Variants in DAB2IP observed in about 807,000 individuals in gnomAD.
DAB2IP encodes the protein DAB2 interacting protein.
In DAB2IP, 28 loss-of-function variants were observed where a neutral mutation model predicts 107.2. The observed-to-expected ratio is 0.26, with a 90% CI of 0.19 to 0.36. The LOEUF (loss-of-function observed/expected upper bound fraction) is 0.36. Among genes scored for constraint, DAB2IP ranks in the 10% least tolerant of loss-of-function variants. The pLI is 1.00. For missense variants in DAB2IP, 1,400 were observed against 1,644.7 expected (o/e 0.85, Z 2.57); for synonymous variants, 755 against 706.4 (o/e 1.07, Z -1.09).
rs1828564529 is a variant in DAB2IP at position 121,680,953 on chromosome 9, G to T, written c.228+2172G>T. 2.6e-5 allele frequency among the ~76,000 whole-genome samples: 4 copies of T among 152,098 alleles called. 1 individual carries two copies. The South Asian group carries it at 8.3e-4, about 32-fold the overall frequency. Reference sequence around the variant, plus strand: ...AGACGGGGTTTCACCATGTTGGCCAGGCTAGTCTTGAACTCCTGACCTCAG... The same window carrying T: ...AGACGGGGTTTCACCATGTTGGCCATGCTAGTCTTGAACTCCTGACCTCAG... On this transcript the variant is annotated intron_variant, in intron 2 of 15. Transcript: ENST00000408936.
chr9:121,567,597 T>C (rs776413658), intron 1 of DAB2IP, among the ~76,000 whole-genome samples: 6 of 152,264 alleles, frequency 3.9e-5, no homozygotes, highest in Non-Finnish European at 7.4e-5. Context: ...ATTCAATTAG[T>C]GCGATCCTGC....
chr9:121,613,691 C>T (rs908873487), intron 1 of DAB2IP, among the ~76,000 whole-genome samples: 1 of 152,126 alleles, frequency 6.6e-6, no homozygotes, highest in African/African-American at 2.4e-5. Context: ...GGCAACTTCT[C>T]GCAAACTCGC....
In DAB2IP at chr9:121,763,452, C is replaced by T. The variant is rs1834041054; in HGVS notation, c.1171-53C>T. ...CTGGCTAGGTCTGGAATCCTAGGGCCCTCCATGCCAGGCCAGCTCAGGTCC... is the reference window on the plus strand; with the variant it reads ...CTGGCTAGGTCTGGAATCCTAGGGCTCTCCATGCCAGGCCAGCTCAGGTCC... On this transcript the variant is annotated intron_variant, in intron 6 of 15. Transcript: ENST00000408936. The T allele has an allele frequency of 5.1e-6, 8 of 1,559,520 alleles. No homozygotes were observed. The South Asian group carries it at 8.6e-5, about 17-fold the overall frequency.
At chr9:121,648,856 A>G (rs1209451829), upstream of DAB2IP, among the ~76,000 whole-genome samples, 6 of 152,142 alleles carry the variant, frequency 3.9e-5, no homozygotes, top group Non-Finnish European at 8.8e-5. Flanking sequence ...GGTCTGTCAC[A>G]GGAAGCAGTG....
Position 121,772,822 on chromosome 9 carries a change from CGGGCCCCG to C in DAB2IP, c.2295_2302del (p.Gly766ArgfsTer84). 6.2e-7 allele frequency: 1 copy of C among 1,604,624 alleles called. No individual in the cohort carries two copies. The highest frequency in any genetic ancestry group is 1.1e-5 in the South Asian group (1 of 90,534). Reference sequence around the variant, plus strand: ...CTGGATGGGGAGGCAGGCTCCCCGGCGGGCCCCGACGTCCTCCCCACAGATGGGCAGGC... The same window carrying C: ...CTGGATGGGGAGGCAGGCTCCCCGGCACGTCCTCCCCACAGATGGGCAGGC... On this transcript the variant is annotated frameshift_variant, in exon 12 of 16. Coordinates refer to ENST00000408936, the Ensembl canonical transcript of DAB2IP. LOFTEE classifies it high-confidence loss of function. This position sits in a 1 kb window ranked among gnomAD's most constrained non-coding sequence, Gnocchi z 4.7.
chr9:121,646,755 C>G (rs1025611667), upstream of DAB2IP, among the ~76,000 whole-genome samples: 4 of 152,190 alleles, frequency 2.6e-5, no homozygotes, highest in Admixed American at 1.3e-4. Context: ...TGTCCCTTGA[C>G]AAAGCTGGCT....
chr9:121,673,285 G>A (rs1160426872), intron 1 of DAB2IP, among the ~76,000 whole-genome samples: 1 of 152,150 alleles, frequency 6.6e-6, no homozygotes, highest in Non-Finnish European at 1.5e-5. Context: ...TGGGTTTGGG[G>A]GCAGTTTAAG....
intron 8 of DAB2IP, among the ~76,000 whole-genome samples, chr9:121,765,701 TG>T (rs1226595138): frequency 7.2e-5 from 11 of 152,188 alleles, no homozygotes; most frequent in Non-Finnish European, 1.5e-4. Context: ...GGGCCTGGCC[TG>T]CCCCAGGCTG....
At chr9:121,766,135 C>T (rs1246348011) in intron 8 of DAB2IP, among the ~76,000 whole-genome samples, 1 of 152,202 alleles carries the variant, frequency 6.6e-6, no homozygotes, top group Non-Finnish European at 1.5e-5. Flanking sequence ...GTGGGGAGGG[C>T]CCAGACCAGA....
At position 121,737,516 on chromosome 9, in the gene DAB2IP, G is replaced by A. The variant is rs1018643436; in HGVS notation, c.363-19497G>A. On this transcript the variant is annotated intron_variant, in intron 3 of 15. Transcript: ENST00000408936. ...CCTAATCTGTCCAGAAGAGCTGCCT[G>A]GGTGAGCACCACCCTTGGGAATGGG... is the stretch of plus-strand genomic sequence containing the variant. 3.0e-6 allele frequency: 3 copies of A among 985,320 alleles called. No homozygotes were observed. The African/African-American group carries it at 5.2e-5, about 17-fold the overall frequency. 61.0% of individuals were successfully genotyped at this position (985,320 alleles called of 1,614,324 possible).
intron 1 of DAB2IP, among the ~76,000 whole-genome samples, chr9:121,601,222 A>G (rs1280724837): frequency 2.0e-5 from 3 of 152,194 alleles, no homozygotes; most frequent in Non-Finnish European, 2.9e-5. Context: ...AATGAACTAA[A>G]TAACCAGCAT....
upstream of DAB2IP, among the ~76,000 whole-genome samples, chr9:121,648,265 A>G (rs139192598): frequency 7.1e-4 from 108 of 152,282 alleles, no homozygotes; most frequent in African/African-American, 2.4e-3. Flanking sequence ...GGAAATAAAA[A>G]ATTTAAAAAA....
intron 3 of DAB2IP, among the ~76,000 whole-genome samples, chr9:121,741,477 A>G (rs1564192144): frequency 6.6e-6 from 1 of 151,802 alleles, no homozygotes; most frequent in East Asian, 1.9e-4. Context: ...TGCCCCTCCT[A>G]CTCACCCAGC....
chr9:121,605,046 G>A (rs891996938), intron 1 of DAB2IP, among the ~76,000 whole-genome samples: 2 of 152,154 alleles, frequency 1.3e-5, no homozygotes, highest in African/African-American at 4.8e-5. Flanking sequence ...TTGAGACACG[G>A]TCTCCTTCTG....
intron 3 of DAB2IP, among the ~76,000 whole-genome samples, chr9:121,718,293 G>T (rs1023195275): frequency 6.6e-6 from 1 of 152,232 alleles, no homozygotes; most frequent in African/African-American, 2.4e-5. Flanking sequence ...CTCAGGCAGC[G>T]TTCAGGCAGA....
chr9:121,582,866 G>A (rs1446482426), intron 1 of DAB2IP, among the ~76,000 whole-genome samples: 4 of 152,322 alleles, frequency 2.6e-5, no homozygotes, highest in African/African-American at 7.2e-5. Flanking sequence ...CCCAGCCCCT[G>A]TGAATGAGTT....
intron 1 of DAB2IP, among the ~76,000 whole-genome samples, chr9:121,578,483 C>T (rs1001859736): frequency 6.6e-6 from 1 of 151,928 alleles, no homozygotes; most frequent in African/African-American, 2.4e-5. Flanking sequence ...CTCGAGCCCC[C>T]GACAGCTTCT....
chr9:121,710,691 C>T (rs1011672328), intron 3 of DAB2IP, among the ~76,000 whole-genome samples: 8 of 152,206 alleles, frequency 5.3e-5, no homozygotes, highest in Admixed American at 2.0e-4. Flanking sequence ...ACTTCCATCA[C>T]TACCCAGGAG....
intron 1 of DAB2IP, among the ~76,000 whole-genome samples, chr9:121,657,463 C>G (rs1327110984): frequency 6.6e-6 from 1 of 152,198 alleles, no homozygotes; most frequent in Non-Finnish European, 1.5e-5. Flanking sequence ...CAAGAGCTCC[C>G]CCTGATTACC....
Sources: gnomAD v4.1 joint callset for allele counts (sites outside exome capture counted in the v4.1 genomes callset) on GRCh38, gnomAD v4.1.1 for gene constraint, Gnocchi (gnomAD v3.1) non-coding constraint, MANE v1.5 for transcripts, NCBI Gene and HGNC (gene_info 2026-07-23, HGNC 2026-07-21) for gene names.